Variants in AGPAT3 observed in about 807,000 individuals in gnomAD.
AGPAT3 encodes 1-acylglycerol-3-phosphate O-acyltransferase 3, also known as 1-acyl-sn-glycerol-3-phosphate acyltransferase gamma.
In AGPAT3, 5 loss-of-function variants were observed where a neutral mutation model predicts 47.3. The ratio of observed to expected loss-of-function variants is 0.11; its 90% confidence interval spans 0.06 to 0.22. AGPAT3 has a LOEUF of 0.22. Among genes scored for constraint, AGPAT3 ranks in the 10% least tolerant of loss-of-function variants. AGPAT3 has a pLI of 1.00. For missense variants in AGPAT3, 315 were observed against 493.0 expected, an observed-to-expected ratio of 0.64 and a Z score of 3.42; for synonymous variants, 212 against 208.3, an observed-to-expected ratio of 1.02 and a Z score of -0.15.
intron 1 of AGPAT3, among the ~76,000 whole-genome samples, chr21:43,902,882 CCTAG>C (rs1311194650): frequency 5.9e-5 from 9 of 152,110 alleles, no homozygotes; most frequent in Non-Finnish European, 7.4e-5. Context: ...CACCTGTAGT[CCTAG>C]CTACTTGGGA....
chr21:43,960,781 T>C lies in AGPAT3; in HGVS notation c.178+922T>C, dbSNP rs985141207. The C allele has an allele frequency of 1.2e-5, 12 of 984,736 alleles. No homozygotes were observed. In the African/African-American group the frequency reaches 1.7e-4, roughly 14 times the overall value. The allele number at this position is 984,736 out of a possible 1,614,324, so 61.0% of individuals were successfully genotyped here. ...AGGAAGTATACAACAAAGTCCATAG[T>C]ATGCTATGATTCATTTTGTGTCTTA... On this transcript the variant is annotated intron_variant, in intron 3 of 9. Transcript: ENST00000291572.
Position 43,954,899 on chromosome 21 carries a change from G to C in AGPAT3, c.-48-4735G>C. 4 of 554,556 alleles carry C rather than the reference G, an allele frequency of 7.2e-6. No homozygotes were observed. Among genetic ancestry groups the C allele is most frequent in the Non-Finnish European group, 9.9e-6 (4 of 405,880 alleles). The allele number at this position is 554,556 out of a possible 1,614,324, so 34.4% of individuals were successfully genotyped here. A position where few individuals can be genotyped will look rare whatever the true frequency, so the allele number is the denominator to read the frequency against. ...AGGGCAGGCGTGGGCTCTCCGGGGA[G>C]TCTCTGCGTAGACTTTCTAGCCCAG... On this transcript the variant is annotated intron_variant, in intron 2 of 9. Coordinates refer to ENST00000291572, the MANE Select transcript of AGPAT3 (RefSeq NM_020132.5). This position sits in a 1 kb window ranked among gnomAD's most constrained non-coding sequence, Gnocchi z 4.0.
chr21:43,940,353 G>A (rs2087613850), intron 2 of AGPAT3, among the ~76,000 whole-genome samples: 1 of 152,208 alleles, frequency 6.6e-6, no homozygotes, highest in Admixed American at 6.5e-5. Flanking sequence ...CGGGGCCCGG[G>A]GGCCTGGGCA....
intron 2 of AGPAT3, among the ~76,000 whole-genome samples, chr21:43,958,214 T>C (rs1569090714): frequency 1.3e-5 from 2 of 152,216 alleles, no homozygotes; most frequent in Admixed American, 6.5e-5. Flanking sequence ...TCGTTTTTTC[T>C]TTCTGGTTTG....
chr21:43,967,869 G>T, intron 3 of AGPAT3, 77 bp from the exon 4 acceptor site: 1 of 1,442,284 alleles, frequency 6.9e-7, no homozygotes, highest in Non-Finnish European at 9.4e-7. Flanking sequence ...AATACTGTAG[G>T]TGTCTCCTGT....
Position 43,930,199 on chromosome 21 carries a change from C to T in AGPAT3, c.-49+26180C>T, listed in dbSNP as rs920755549. On this transcript the variant is annotated intron_variant, in intron 2 of 9. Transcript: ENST00000291572. This position sits in a 1 kb window ranked among gnomAD's most constrained non-coding sequence, Gnocchi z 5.0. ...AGAGAGAAGTTGGGTTCCCCTTCCACGGTTCCCTGCCCCCGGGGACACAGT... is the reference window on the plus strand; with the variant it reads ...AGAGAGAAGTTGGGTTCCCCTTCCATGGTTCCCTGCCCCCGGGGACACAGT... Among the ~76,000 whole-genome samples the T allele has an allele frequency of 2.6e-5, 4 of 152,328 alleles. No individual in the cohort carries two copies. The highest frequency in any genetic ancestry group is 2.1e-4 in the South Asian group (1 of 4,822).
At chr21:43,905,713 C>A (rs1189230079) in intron 2 of AGPAT3, among the ~76,000 whole-genome samples, 1 of 152,224 alleles carries the variant, frequency 6.6e-6, no homozygotes. Flanking sequence ...AATTGCTATT[C>A]TGTGCAAAAG....
At chr21:43,905,183 T>TTATG (rs2086463520) in intron 2 of AGPAT3, among the ~76,000 whole-genome samples, 1 of 149,444 alleles carries the variant, frequency 6.7e-6, no homozygotes, top group Non-Finnish European at 1.5e-5. Flanking sequence ...ATTTATTTAT[T>TTATG]TATTTATTTA....
In AGPAT3 at chr21:43,939,709, C is replaced by T. The variant is rs533633340; in HGVS notation, c.-48-19925C>T. ...TTTCAGGGATCTTGCTAGCCCACGG[C>T]TGAGCACAGGGTAGACCTCACCAAC... is the stretch of plus-strand genomic sequence containing the variant. On this transcript the variant is annotated intron_variant, in intron 2 of 9. Coordinates refer to ENST00000291572, the MANE Select transcript of AGPAT3 (RefSeq NM_020132.5). This position sits in a 1 kb window ranked among gnomAD's most constrained non-coding sequence, Gnocchi z 4.4. 3.3e-5 allele frequency among the ~76,000 whole-genome samples: 5 copies of T among 152,308 alleles called. No individual in the cohort carries two copies. Among genetic ancestry groups the T allele is most frequent in the African/African-American group, 9.6e-5 (4 of 41,568 alleles).
intron 1 of AGPAT3, chr21:43,867,230 G>C (rs1017526127): frequency 5.3e-5 from 8 of 152,356 alleles, no homozygotes; most frequent in African/African-American, 1.7e-4. Flanking sequence ...TTACTTGCCC[G>C]AGGTTGTGTC....
At chr21:43,890,678 G>T (rs2086083457) in intron 1 of AGPAT3, among the ~76,000 whole-genome samples, 1 of 148,762 alleles carries the variant, frequency 6.7e-6, no homozygotes, top group African/African-American at 2.5e-5. Context: ...CTCCCAAATT[G>T]CTAGGATTAC....
Position 43,978,139 on chromosome 21 carries a change from C to A in AGPAT3, c.843+18C>A. The A allele has an allele frequency of 6.2e-7, 1 of 1,609,834 alleles. No homozygotes were observed. The highest frequency in any genetic ancestry group is 1.1e-5 in the South Asian group (1 of 90,612). ...AGGAGAAGGTAAGCAGGCTCTGCTC[C>A]CGCTCAGGGTCCCGGTCTCCTGAAG... On this transcript the variant is annotated intron_variant, in intron 8 of 9. Coordinates refer to ENST00000291572, the MANE Select transcript of AGPAT3 (RefSeq NM_020132.5).
chr21:43,951,106 G>A (rs987602910), intron 2 of AGPAT3, among the ~76,000 whole-genome samples: 20 of 152,314 alleles, frequency 1.3e-4, no homozygotes, highest in South Asian at 2.1e-4. Context: ...GGGGCTCACC[G>A]TGGTCCCCTC....
At chr21:43,959,902 TG>T (rs2088746175) in intron 3 of AGPAT3, 43 bp downstream of exon 3, 21 of 1,557,310 alleles carry the variant, frequency 1.3e-5, no homozygotes, top group Non-Finnish European at 1.7e-5. Context: ...GGGGCTCCCG[TG>T]GGGGTGGCGC....
intron 2 of AGPAT3, among the ~76,000 whole-genome samples, chr21:43,942,279 G>A: frequency 6.6e-6 from 1 of 152,162 alleles, no homozygotes; most frequent in East Asian, 1.9e-4. Context: ...GTGGGTGCTA[G>A]GCCTGTAATA....
intron 2 of AGPAT3, among the ~76,000 whole-genome samples, chr21:43,912,270 C>T (rs945792841): frequency 6.6e-5 from 10 of 152,250 alleles, no homozygotes; most frequent in East Asian, 1.9e-4. Context: ...TCCTGGCACG[C>T]GAGCAAAGGG....
intron 1 of AGPAT3, among the ~76,000 whole-genome samples, chr21:43,898,957 C>G (rs1169085846): frequency 6.6e-6 from 1 of 152,000 alleles, no homozygotes; most frequent in African/African-American, 2.4e-5. Flanking sequence ...CTCAAGTGAT[C>G]CTTGTGCCTT....
intron 4 of AGPAT3, among the ~76,000 whole-genome samples, chr21:43,968,498 A>G (rs1005688932): frequency 2.7e-5 from 4 of 150,602 alleles, no homozygotes; most frequent in African/African-American, 9.8e-5. Flanking sequence ...GAGCTGGGAG[A>G]GCCTTGGGTT....
At position 43,935,990 on chromosome 21, in the gene AGPAT3, G is replaced by A. The variant is rs574182343; in HGVS notation, c.-48-23644G>A. Among the ~76,000 whole-genome samples, 8 of 152,304 alleles carry A rather than the reference G, an allele frequency of 5.3e-5. No homozygotes were observed. The East Asian group carries it at 1.2e-3, about 22-fold the overall frequency. ...AGAGTGTAGAACAGTAGCGGAGCCC[G>A]CCCAGCTGTTCCTAAGCAAGGCCTA... On this transcript the variant is annotated intron_variant, in intron 2 of 9. Coordinates refer to ENST00000291572, the MANE Select transcript of AGPAT3 (RefSeq NM_020132.5).
Sources: gnomAD v4.1 joint callset for allele counts (sites outside exome capture counted in the v4.1 genomes callset) on GRCh38, gnomAD v4.1.1 for gene constraint, Gnocchi (gnomAD v3.1) non-coding constraint, MANE v1.5 for transcripts, NCBI Gene and HGNC (gene_info 2026-07-23, HGNC 2026-07-21) for gene names.